Variants in FMNL2 observed in about 807,000 individuals in gnomAD.
The protein encoded by FMNL2 is formin-like protein 2.
In FMNL2, 51 loss-of-function variants were observed where a neutral mutation model predicts 130.2. That is an observed-to-expected ratio of 0.39 (90% CI 0.31 to 0.49). The LOEUF is 0.49. Among genes scored for constraint, FMNL2 ranks in the 20% least tolerant of loss-of-function variants. FMNL2 has a pLI of 0.85. For synonymous variants in FMNL2, 465 were observed against 467.1 expected (o/e 1.00, Z 0.06); for missense variants, 977 against 1,316.2 (o/e 0.74, Z 3.99).
intron 6 of FMNL2, among the ~76,000 whole-genome samples, chr2:152,568,218 G>GTTTTTT (rs1177965681): frequency 2.9e-5 from 1 of 34,860 alleles, no homozygotes; most frequent in Non-Finnish European, 7.5e-5. Context: ...ATTTTGGTGG[G>GTTTTTT]TTTTTTTTTT....
intron 9 of FMNL2, among the ~76,000 whole-genome samples, chr2:152,606,974 A>G (rs1698391988): frequency 6.9e-6 from 1 of 145,792 alleles, no homozygotes; most frequent in African/African-American, 2.5e-5. Context: ...TTTCCTTTTT[A>G]CAAAAGGAAG....
At chr2:152,474,982 C>A (rs954558758) in intron 1 of FMNL2, among the ~76,000 whole-genome samples, 8 of 152,176 alleles carry the variant, frequency 5.3e-5, no homozygotes, top group African/African-American at 1.9e-4. Context: ...TTCAGTTGCA[C>A]CCCTATAGCT....
intron 2 of FMNL2, among the ~76,000 whole-genome samples, chr2:152,523,230 C>G (rs1029218634): frequency 6.6e-6 from 1 of 152,098 alleles, no homozygotes; most frequent in African/African-American, 2.4e-5. Flanking sequence ...TTTCAGGTTT[C>G]AGTTTCATGA....
At chr2:152,415,326 C>T (rs1229796050) in intron 1 of FMNL2, among the ~76,000 whole-genome samples, 3 of 152,226 alleles carry the variant, frequency 2.0e-5, no homozygotes, top group Non-Finnish European at 2.9e-5. Flanking sequence ...CAGTTCACCA[C>T]GCAGCTCTGC....
chr2:152,438,061 G>T (rs964086887), intron 1 of FMNL2, among the ~76,000 whole-genome samples: 1 of 152,168 alleles, frequency 6.6e-6, no homozygotes, highest in Non-Finnish European at 1.5e-5. Flanking sequence ...TTGCCCTTAA[G>T]GTCTTGTCTT....
intron 10 of FMNL2, among the ~76,000 whole-genome samples, chr2:152,608,866 T>C (rs1006148170): frequency 4.6e-5 from 7 of 151,586 alleles, no homozygotes; most frequent in Middle Eastern, 3.3e-3. Flanking sequence ...CTTAAACAAT[T>C]TGGACATGAT....
chr2:152,388,826 T>G (rs193130566), intron 1 of FMNL2, among the ~76,000 whole-genome samples: 310 of 152,340 alleles, frequency 2.0e-3, no homozygotes, highest in African/African-American at 7.1e-3. Context: ...AACCAGTGAT[T>G]AAAAATTACT....
At chr2:152,492,853 A>G (rs1482728732) in intron 1 of FMNL2, among the ~76,000 whole-genome samples, 1 of 152,212 alleles carries the variant, frequency 6.6e-6, no homozygotes, top group Admixed American at 6.5e-5. Flanking sequence ...GTTGGTGATA[A>G]AAAGAAAATA....
At chr2:152,479,132 G>T (rs901070826) in intron 1 of FMNL2, among the ~76,000 whole-genome samples, 2 of 151,938 alleles carry the variant, frequency 1.3e-5, no homozygotes, top group Non-Finnish European at 2.9e-5. Flanking sequence ...TTGTTGGTTT[G>T]TTTTGTTTTG....
intron 20 of FMNL2, among the ~76,000 whole-genome samples, chr2:152,631,674 A>ACCTGAAACCTGTGGGTTT (rs1295854527): frequency 6.6e-6 from 1 of 152,192 alleles, no homozygotes; most frequent in Non-Finnish European, 1.5e-5. Flanking sequence ...ATTTTTGGAT[A>ACCTGAAACCTGTGGGTTT]CCTGAAACCT....
At position 152,443,843 on chromosome 2, in the gene FMNL2, CAAAAAGAA is replaced by C. The variant is rs550983306; in HGVS notation, c.118-78086_118-78079del. On this transcript the variant is annotated intron_variant, in intron 1 of 25. Transcript: ENST00000288670. ...CGGCAACAGAGCGAGAGACTCCATC[CAAAAAGAA>C]AAAAAGAAAAAAAAGGAGAGGAGAG... Among the ~76,000 whole-genome samples, 67 of 151,158 alleles carry C rather than the reference CAAAAAGAA, an allele frequency of 4.4e-4. 2 individuals carry two copies. The East Asian group carries it at 9.3e-3, about 21-fold the overall frequency.
At chr2:152,564,648 G>C (rs971090098) in intron 6 of FMNL2, among the ~76,000 whole-genome samples, 1 of 151,968 alleles carries the variant, frequency 6.6e-6, no homozygotes, top group Non-Finnish European at 1.5e-5. Context: ...CATGAGAATT[G>C]CTTGAACCTG....
At chr2:152,377,921 C>T (rs74852871) in intron 1 of FMNL2, among the ~76,000 whole-genome samples, 8,013 of 152,004 alleles carry the variant, frequency 0.053, 363 homozygotes, top group African/African-American at 0.12. Context: ...CGCTTGAACC[C>T]GGAAGTTCAA....
intron 21 of FMNL2, among the ~76,000 whole-genome samples, chr2:152,636,112 C>A (rs565448656): frequency 6.6e-6 from 1 of 152,282 alleles, no homozygotes; most frequent in Admixed American, 6.5e-5. Context: ...GATTTAGAGT[C>A]CACATTTGTT....
chr2:152,627,955 A>T (rs571985680), intron 17 of FMNL2, among the ~76,000 whole-genome samples: 71 of 152,344 alleles, frequency 4.7e-4, no homozygotes, highest in African/African-American at 1.7e-3. Flanking sequence ...TTGAACCATG[A>T]AACCATCAGA....
intron 2 of FMNL2, among the ~76,000 whole-genome samples, chr2:152,533,440 A>AT (rs1693817432): frequency 6.7e-6 from 1 of 149,800 alleles, no homozygotes; most frequent in African/African-American, 2.5e-5. Flanking sequence ...GTGTGGGTCT[A>AT]TTTTTGTGTT....
At chr2:152,619,930 A>G (rs1203677735) in intron 15 of FMNL2, among the ~76,000 whole-genome samples, 2 of 151,544 alleles carry the variant, frequency 1.3e-5, no homozygotes, top group East Asian at 3.9e-4. Context: ...ACCACACCCC[A>G]CAATGGGAGG....
chr2:152,427,384 T>C (rs528599831), intron 1 of FMNL2, among the ~76,000 whole-genome samples: 68 of 151,974 alleles, frequency 4.5e-4, no homozygotes, highest in Non-Finnish European at 7.2e-4. Flanking sequence ...CAGTCTCTAC[T>C]AAAAATAAAA....
intron 23 of FMNL2, among the ~76,000 whole-genome samples, chr2:152,638,408 G>A (rs1427582865): frequency 6.6e-6 from 1 of 152,234 alleles, no homozygotes; most frequent in Non-Finnish European, 1.5e-5. Context: ...GTGGAGGTAG[G>A]AGGAATGTTT....
Sources: allele counts gnomAD v4.1 joint callset (sites outside exome capture counted in the v4.1 genomes callset), GRCh38; gene constraint gnomAD v4.1.1; transcripts MANE v1.5; gene names NCBI Gene and HGNC (gene_info 2026-07-23, HGNC 2026-07-21).